The following PAPPA2 variants were observed in gnomAD, a reference collection of about 807,000 sequenced individuals.
PAPPA2 encodes the protein pappalysin-2.
Under a neutral mutation model 176.4 loss-of-function variants are expected in PAPPA2, and 86 were observed. That is an observed-to-expected ratio of 0.49 (90% confidence interval 0.41 to 0.58). PAPPA2 has a LOEUF of 0.58. PAPPA2 is among the 20% of genes least tolerant of loss of function. PAPPA2 has a pLI of 0.00. For synonymous variants in PAPPA2, 809 were observed against 852.2 expected (o/e 0.95, Z 0.88); for missense variants, 2,073 against 2,256.9 (o/e 0.92, Z 1.65).
At chr1:176,597,260 G>C (rs1654037245) in intron 3 of PAPPA2, among the ~76,000 whole-genome samples, 1 of 152,204 alleles carries the variant, frequency 6.6e-6, no homozygotes, top group African/African-American at 2.4e-5. Flanking sequence ...GATGATTGCA[G>C]TAATACCTTG....
At chr1:176,616,920 T>G in intron 3 of PAPPA2, 1 of 407,714 alleles carries the variant, frequency 2.5e-6, no homozygotes. Flanking sequence ...GAGTGTGAAG[T>G]TGTAAGTAAT....
chr1:176,636,121 T>C (rs1656686211), intron 3 of PAPPA2, among the ~76,000 whole-genome samples: 1 of 152,180 alleles, frequency 6.6e-6, no homozygotes, highest in Non-Finnish European at 1.5e-5. Context: ...TGCATTCTGC[T>C]GTTGAGAACG....
chr1:176,612,476 G>A (rs780655513), intron 3 of PAPPA2, among the ~76,000 whole-genome samples: 12 of 152,166 alleles, frequency 7.9e-5, no homozygotes, highest in Non-Finnish European at 1.3e-4. Context: ...CAAAGTGATT[G>A]CCCATGTATT....
intron 1 of PAPPA2, among the ~76,000 whole-genome samples, chr1:176,483,902 G>C (rs2102483520): frequency 6.6e-6 from 1 of 152,320 alleles, no homozygotes; most frequent in South Asian, 2.1e-4. Flanking sequence ...TTTCCACCCT[G>C]TGAACCTAGT....
intron 14 of PAPPA2, among the ~76,000 whole-genome samples, chr1:176,743,870 A>G (rs996578300): frequency 6.6e-6 from 1 of 152,204 alleles, no homozygotes; most frequent in Non-Finnish European, 1.5e-5. Flanking sequence ...CTTACCTGAT[A>G]ATATATCCAT....
At chr1:176,788,982 A>G (rs532629310) in intron 17 of PAPPA2, among the ~76,000 whole-genome samples, 6 of 152,130 alleles carry the variant, frequency 3.9e-5, no homozygotes, top group South Asian at 2.1e-4. Context: ...TTGATCCTCA[A>G]ATCACTTCTG....
chr1:176,686,042 A>G (rs371851442), intron 4 of PAPPA2, among the ~76,000 whole-genome samples: 73 of 152,152 alleles, frequency 4.8e-4, no homozygotes, highest in South Asian at 8.3e-4. Flanking sequence ...ATTAAAACTC[A>G]TTTCCCTAAT....
chr1:176,756,674 T>G (rs1663435359), intron 14 of PAPPA2, among the ~76,000 whole-genome samples: 1 of 152,176 alleles, frequency 6.6e-6, no homozygotes, highest in African/African-American at 2.4e-5. Flanking sequence ...TCTGTTTCTC[T>G]TCAGAAAGAC....
intron 17 of PAPPA2, among the ~76,000 whole-genome samples, chr1:176,776,575 C>G (rs533396403): frequency 6.6e-6 from 1 of 152,066 alleles, no homozygotes; most frequent in Non-Finnish European, 1.5e-5. Flanking sequence ...CCTTGTCTGA[C>G]CTAAATTGGG....
At chr1:176,515,683 C>T (rs1201633036) in intron 1 of PAPPA2, among the ~76,000 whole-genome samples, 1 of 152,124 alleles carries the variant, frequency 6.6e-6, no homozygotes, top group Non-Finnish European at 1.5e-5. Flanking sequence ...GCGAGGCTGG[C>T]TTTGAGATGC....
intron 2 of PAPPA2, among the ~76,000 whole-genome samples, chr1:176,588,988 G>A (rs767332693): frequency 3.3e-5 from 5 of 152,144 alleles, no homozygotes; most frequent in Admixed American, 6.5e-5. Flanking sequence ...GGATAGAGTC[G>A]CACATAGTAG....
At chr1:176,768,656 G>A (rs138352540) in intron 15 of PAPPA2, among the ~76,000 whole-genome samples, 1,875 of 152,050 alleles carry the variant, frequency 0.012, 15 homozygotes, top group Middle Eastern at 0.034. Flanking sequence ...TTGCCTGGTC[G>A]ATTTTTAGTT....
chr1:176,549,272 G>A (rs766687126), intron 1 of PAPPA2, among the ~76,000 whole-genome samples: 1 of 152,118 alleles, frequency 6.6e-6, no homozygotes, highest in East Asian at 1.9e-4. Flanking sequence ...AGTCACATTC[G>A]AATATATGGC....
intron 3 of PAPPA2, among the ~76,000 whole-genome samples, chr1:176,608,339 C>G (rs1654726756): frequency 1.3e-5 from 2 of 152,152 alleles, no homozygotes; most frequent in Admixed American, 1.3e-4. Flanking sequence ...TGTTCAATTT[C>G]TTTCCAGCCT....
intron 3 of PAPPA2, among the ~76,000 whole-genome samples, chr1:176,660,354 G>A (rs1412117305): frequency 1.3e-5 from 2 of 151,864 alleles, no homozygotes; most frequent in Non-Finnish European, 2.9e-5. Context: ...GTGTGTGTGT[G>A]TGTGTGTGCT....
intron 1 of PAPPA2, among the ~76,000 whole-genome samples, chr1:176,551,214 G>C (rs919315604): frequency 6.6e-6 from 1 of 152,200 alleles, no homozygotes; most frequent in Admixed American, 6.5e-5. Context: ...CTGAGCCTTG[G>C]AGTGAAATCT....
intron 15 of PAPPA2, among the ~76,000 whole-genome samples, chr1:176,766,217 A>T (rs564827678): frequency 6.6e-6 from 1 of 152,210 alleles, no homozygotes. Context: ...TCCACCCCAC[A>T]ACAACCCTCC....
intron 2 of PAPPA2, among the ~76,000 whole-genome samples, chr1:176,571,640 G>C (rs1652340561): frequency 6.6e-6 from 1 of 152,110 alleles, no homozygotes; most frequent in South Asian, 2.1e-4. Context: ...ACCCATTCTA[G>C]TCCGTGCAAA....
intron 7 of PAPPA2, among the ~76,000 whole-genome samples, chr1:176,696,070 A>G (rs1660369005): frequency 6.6e-6 from 1 of 151,266 alleles, no homozygotes; most frequent in Non-Finnish European, 1.5e-5. Flanking sequence ...ATATGTGCCT[A>G]ACATGGAGGC....
Sources: allele counts gnomAD v4.1 joint callset (sites outside exome capture counted in the v4.1 genomes callset), GRCh38; gene constraint gnomAD v4.1.1; transcripts MANE v1.5; gene names NCBI Gene and HGNC (gene_info 2026-07-23, HGNC 2026-07-21).